MSH3: variants seen among roughly 807,000 people sequenced by gnomAD.
The protein encoded by MSH3 is mutS homolog 3.
A neutral mutation model predicts 123.3 loss-of-function variants in MSH3; 106 were observed. The ratio of observed to expected loss-of-function variants is 0.86; its 90% CI spans 0.73 to 1.01. The LOEUF is 1.01. Among genes scored for constraint, MSH3 ranks in the 50% least tolerant of loss-of-function variants. MSH3 has a pLI of 0.00. For synonymous variants in MSH3, 515 were observed against 481.4 expected (o/e 1.07, Z -0.91); for missense variants, 1,459 against 1,347.6 (o/e 1.08, Z -1.29).
At chr5:80,693,491 A>ACATGTATATGTTTATATAAATATGCG (rs1227384598) in intron 8 of MSH3, among the ~76,000 whole-genome samples, 6 of 150,600 alleles carry the variant, frequency 4.0e-5, no homozygotes, top group Non-Finnish European at 7.4e-5. Context: ...ATAAATATGC[A>ACATGTATATGTTTATATAAATATGCG]CATGTATATG....
intron 18 of MSH3, among the ~76,000 whole-genome samples, chr5:80,790,921 GC>G (rs1744595340): frequency 1.3e-5 from 2 of 152,128 alleles, no homozygotes; most frequent in Non-Finnish European, 1.5e-5. Flanking sequence ...GATTCTGAAT[GC>G]TCAGAAAATA....
At chr5:80,761,153 C>T (rs768683563) in intron 12 of MSH3, among the ~76,000 whole-genome samples, 5 of 151,950 alleles carry the variant, frequency 3.3e-5, no homozygotes, top group African/African-American at 7.3e-5. Flanking sequence ...GCAGACAATT[C>T]GAAGGAGGAG....
intron 8 of MSH3, among the ~76,000 whole-genome samples, chr5:80,692,966 A>T (rs1750348436): frequency 9.3e-6 from 1 of 107,460 alleles, no homozygotes; most frequent in African/African-American, 3.4e-5. Context: ...TGTTTAGATA[A>T]ATATACATGC....
In MSH3 at chr5:80,688,041, G is replaced by A. The variant is rs1277538594; in HGVS notation, c.1340+8948G>A. ...TGTCACACGTGGTATAACCAATGATGTGAGCTAATTTTTTACATTATTGAC... is the reference window on the plus strand; with the variant it reads ...TGTCACACGTGGTATAACCAATGATATGAGCTAATTTTTTACATTATTGAC... On this transcript the variant is annotated intron_variant, in intron 8 of 23. Coordinates refer to ENST00000265081, the MANE Select transcript of MSH3 (RefSeq NM_002439.5). Among the ~76,000 whole-genome samples, 5 of 152,178 alleles carry A rather than the reference G, an allele frequency of 3.3e-5. No individual in the cohort carries two copies. In the East Asian group the frequency reaches 7.7e-4, roughly 23 times the overall value.
chr5:80,675,780 A>G (rs1431893598), intron 7 of MSH3, among the ~76,000 whole-genome samples: 2 of 152,194 alleles, frequency 1.3e-5, no homozygotes, highest in Non-Finnish European at 2.9e-5. Context: ...AATGGCAGAC[A>G]TATGTGTGGA....
intron 10 of MSH3, among the ~76,000 whole-genome samples, chr5:80,738,628 C>T (rs1320578723): frequency 3.9e-5 from 6 of 152,058 alleles, no homozygotes; most frequent in African/African-American, 7.2e-5. Context: ...GCCATACCAC[C>T]GTGAAAAATT....
chr5:80,868,231 A>G (rs1337220851), intron 22 of MSH3, among the ~76,000 whole-genome samples: 2 of 152,122 alleles, frequency 1.3e-5, no homozygotes, highest in African/African-American at 4.8e-5. Context: ...AGACCTGAAG[A>G]CAGAATTACC....
At chr5:80,810,863 G>T in intron 19 of MSH3, among the ~76,000 whole-genome samples, 1 of 151,948 alleles carries the variant, frequency 6.6e-6, no homozygotes, top group Non-Finnish European at 1.5e-5. Context: ...ATGGTAAATT[G>T]TATCATTAAC....
chr5:80,662,550 G>A (rs1179348122), intron 2 of MSH3, among the ~76,000 whole-genome samples: 1 of 152,110 alleles, frequency 6.6e-6, no homozygotes, highest in Non-Finnish European at 1.5e-5. Flanking sequence ...TTTGGGGCGG[G>A]GCACGGTGGC....
intron 8 of MSH3, among the ~76,000 whole-genome samples, chr5:80,725,167 T>A (rs1281532575): frequency 6.9e-6 from 1 of 145,614 alleles, no homozygotes; most frequent in Non-Finnish European, 1.5e-5. Flanking sequence ...TGAGCTGAGA[T>A]TGCTGCCACT....
intron 17 of MSH3, among the ~76,000 whole-genome samples, chr5:80,787,213 A>G (rs1294682616): frequency 1.3e-5 from 2 of 152,210 alleles, no homozygotes; most frequent in African/African-American, 4.8e-5. Flanking sequence ...GCTGATCCAC[A>G]TGAATATTTC....
chr5:80,655,112 A>G (rs1035352746), intron 1 of MSH3, 148 bp downstream of exon 1: 3 of 531,408 alleles, frequency 5.6e-6, no homozygotes, highest in African/African-American at 2.0e-5. Context: ...GGAAGAGCCC[A>G]GCCGGGGCTA....
In MSH3 at chr5:80,654,852, G is replaced by A. The variant is rs767196321; in HGVS notation, c.125G>A (p.Gly42Asp). 2 of 1,601,852 alleles carry A rather than the reference G, an allele frequency of 1.2e-6. No individual in the cohort carries two copies. Among genetic ancestry groups the A allele is most frequent in the East Asian group, 2.3e-5 (1 of 43,248 alleles). ...CTGAAATCCACCTCCTCCTCCACAG[G>A]TGCAGCCGACCAGGTGGACCCTGGC... ...GSLKSTSSST[G>D]AADQVDPGAA... Residue 42 changes from glycine (G) to aspartate (D), a missense_variant, in exon 1 of 24, where the codon GGT becomes GAT. Transcript: ENST00000265081.
intron 19 of MSH3, among the ~76,000 whole-genome samples, chr5:80,795,840 C>A (rs538307676): frequency 3.0e-4 from 46 of 152,184 alleles, no homozygotes; most frequent in Non-Finnish European, 5.3e-4. Context: ...TGGCAAAACC[C>A]TGTCTCTACT....
chr5:80,794,816 GT>G (rs1446479769), intron 19 of MSH3, among the ~76,000 whole-genome samples: 1 of 152,158 alleles, frequency 6.6e-6, no homozygotes, highest in Non-Finnish European at 1.5e-5. Flanking sequence ...GAATCCTGAA[GT>G]TTATAGATAG....
At chr5:80,750,169 G>C (rs1409348274) in intron 12 of MSH3, among the ~76,000 whole-genome samples, 1 of 148,104 alleles carries the variant, frequency 6.8e-6, no homozygotes, top group Non-Finnish European at 1.5e-5. Context: ...TCCATATCTT[G>C]ATAATTGTGA....
intron 8 of MSH3, chr5:80,715,243 A>G (rs751944546): frequency 3.9e-5 from 6 of 152,128 alleles, no homozygotes; most frequent in Non-Finnish European, 8.8e-5. Context: ...TACCTGTTTT[A>G]TACTAGGCAC....
intron 8 of MSH3, among the ~76,000 whole-genome samples, chr5:80,698,800 G>A (rs1334067975): frequency 6.7e-6 from 1 of 148,466 alleles, no homozygotes; most frequent in East Asian, 2.0e-4. Context: ...CGGGGGGCCT[G>A]TTGTGGGGTG....
chr5:80,804,078 C>G (rs976014128), intron 19 of MSH3, among the ~76,000 whole-genome samples: 1 of 152,156 alleles, frequency 6.6e-6, no homozygotes, highest in Non-Finnish European at 1.5e-5. Context: ...ATTATTTTTT[C>G]TATTTCTGTG....
Sources: allele counts gnomAD v4.1 joint callset (sites outside exome capture counted in the v4.1 genomes callset), GRCh38; gene constraint gnomAD v4.1.1; transcripts MANE v1.5; gene names NCBI Gene and HGNC (gene_info 2026-07-23, HGNC 2026-07-21).